GLMN: variants seen among roughly 807,000 people sequenced by gnomAD.
The protein encoded by GLMN is glomulin, FKBP associated protein.
A neutral mutation model predicts 87.8 loss-of-function variants in GLMN; 75 were observed. The ratio of observed to expected loss-of-function variants is 0.85; its 90% CI spans 0.71 to 1.04. The LOEUF (loss-of-function observed/expected upper bound fraction) is 1.04, where lower values mean the gene tolerates loss of function less well. Ranked by LOEUF, GLMN falls within the 50% of genes least tolerant of loss-of-function variation. The probability of loss-of-function intolerance (pLI) is 0.00; values close to 1 mark genes in which losing one functional copy is unlikely to be tolerated. For synonymous variants in GLMN, 206 were observed against 221.6 expected, an observed-to-expected ratio of 0.93 and a Z score of 0.63; for missense variants, 588 against 658.8, an observed-to-expected ratio of 0.89 and a Z score of 1.18.
At chr1:92,319,100 G>C in the GLMN span, among the ~76,000 whole-genome samples, 1 of 152,164 alleles carries the variant, frequency 6.6e-6, no homozygotes, top group Non-Finnish European at 1.5e-5. Flanking sequence ...GGAGATTCAA[G>C]GGATTAGCCT....
At chr1:92,340,680 A>C in the GLMN span, among the ~76,000 whole-genome samples, 1 of 152,196 alleles carries the variant, frequency 6.6e-6, no homozygotes, top group African/African-American at 2.4e-5. Context: ...AGGTAGCCAG[A>C]GTTAAGAGCC....
chr1:92,355,818 G>A, the GLMN span, among the ~76,000 whole-genome samples: 172 of 152,272 alleles, frequency 1.1e-3, 1 homozygote, highest in South Asian at 0.013. Flanking sequence ...TGTTCAACCG[G>A]TAAGTATAAT....
At chr1:92,260,623 AAAG>A (rs1418539552) in intron 16 of GLMN, among the ~76,000 whole-genome samples, 2 of 150,096 alleles carry the variant, frequency 1.3e-5, no homozygotes, top group Non-Finnish European at 3.0e-5. Context: ...TCAAGAAAAA[AAAG>A]AAGTGCCTGT....
chr1:92,280,235 C>G (rs556191263), intron 7 of GLMN, among the ~76,000 whole-genome samples: 1 of 152,166 alleles, frequency 6.6e-6, no homozygotes, highest in African/African-American at 2.4e-5. Context: ...CTCAAACAGG[C>G]GGGTGCCCCT....
At chr1:92,253,912 A>T (rs1653875444) in intron 16 of GLMN, among the ~76,000 whole-genome samples, 1 of 152,228 alleles carries the variant, frequency 6.6e-6, no homozygotes, top group South Asian at 2.1e-4. Flanking sequence ...TGGACAGAGA[A>T]TGAGTTTGAT....
At chr1:92,269,200 CTTT>C (rs769947623) in intron 9 of GLMN, among the ~76,000 whole-genome samples, 1 of 132,084 alleles carries the variant, frequency 7.6e-6, no homozygotes. Flanking sequence ...CCGTGCCTGG[CTTT>C]TTTTTTTTTT....
upstream of GLMN, among the ~76,000 whole-genome samples, chr1:92,302,832 C>T (rs1465763881): frequency 6.6e-6 from 1 of 151,814 alleles, no homozygotes; most frequent in African/African-American, 2.4e-5. Context: ...GATTTCCTAA[C>T]CTCGTGATCC....
chr1:92,313,800 T>C, the GLMN span, among the ~76,000 whole-genome samples: 2 of 152,254 alleles, frequency 1.3e-5, no homozygotes, highest in Non-Finnish European at 1.5e-5. Context: ...GCTATCTTAA[T>C]CAGTGCTCCT....
chr1:92,309,373 C>T, the GLMN span, among the ~76,000 whole-genome samples: 3 of 149,350 alleles, frequency 2.0e-5, no homozygotes, highest in Admixed American at 6.7e-5. Context: ...ACCTGGGAGG[C>T]GGAGGTTGCA....
Position 92,264,563 on chromosome 1 carries a change from C to G in GLMN, c.1290G>C (p.Met430Ile), listed in dbSNP as rs191264623. The G allele has an allele frequency of 6.0e-6, 9 of 1,504,310 alleles. No homozygotes were observed. In the Admixed American group the frequency reaches 1.3e-4, roughly 22 times the overall value. 93.2% of individuals were successfully genotyped at this position (1,504,310 alleles called of 1,614,324 possible). A position where few individuals can be genotyped will look rare whatever the true frequency, so the allele number is the denominator to read the frequency against. Reference protein sequence around the residue: ...IIQNIKNQIDMSLKRTRNNKW... With the variant: ...IIQNIKNQIDISLKRTRNNKW... ...TTGGCTATGTTCTTACCTTTAATGA[C>G]ATGTCAATTTGATTTTTGATATTTT... The change falls in exon 14 of 19, where the codon ATG (methionine) becomes ATC (isoleucine). Residue 430 changes from methionine to isoleucine, a missense_variant. Met to Ile is a conservative substitution (Grantham distance 10). Coordinates refer to ENST00000370360, the MANE Select transcript of GLMN (RefSeq NM_053274.3).
At chr1:92,289,194 A>G in intron 5 of GLMN, 43 bp from the exon 6 acceptor site, 2 of 1,125,458 alleles carry the variant, frequency 1.8e-6, no homozygotes, top group East Asian at 2.3e-5. Context: ...TATGCTAAAC[A>G]TGGGACAAGA....
the GLMN span, chr1:92,324,210 G>C: frequency 6.2e-7 from 1 of 1,614,124 alleles, no homozygotes; most frequent in Non-Finnish European, 8.5e-7. Flanking sequence ...AGAACAGCTT[G>C]GATGAGTCTT....
chr1:92,346,455 C>G, the GLMN span, among the ~76,000 whole-genome samples: 3 of 152,198 alleles, frequency 2.0e-5, no homozygotes, highest in Admixed American at 2.0e-4. Context: ...TGAGCCACCA[C>G]ACCCAGCCTG....
chr1:92,344,419 T>C, the GLMN span, among the ~76,000 whole-genome samples: 1 of 152,152 alleles, frequency 6.6e-6, no homozygotes, highest in Non-Finnish European at 1.5e-5. Context: ...AAGAAAATGC[T>C]ATACGATGTT....
the GLMN span, among the ~76,000 whole-genome samples, chr1:92,333,866 G>A: frequency 6.6e-6 from 1 of 152,192 alleles, no homozygotes; most frequent in African/African-American, 2.4e-5. Context: ...GGTCTGTTAA[G>A]TCACTCTGCA....
the GLMN span, chr1:92,320,717 T>C: frequency 9.3e-7 from 1 of 1,070,296 alleles, no homozygotes; most frequent in Non-Finnish European, 1.4e-6. Context: ...TATGAGCTCT[T>C]GGACTTCCTG....
chr1:92,315,693 G>A, the GLMN span, among the ~76,000 whole-genome samples: 1 of 152,166 alleles, frequency 6.6e-6, no homozygotes, highest in Non-Finnish European at 1.5e-5. Context: ...TTAAGATTTA[G>A]ACAAATTCAT....
chr1:92,283,156 C>T (rs984684949), intron 7 of GLMN, among the ~76,000 whole-genome samples: 3 of 152,170 alleles, frequency 2.0e-5, no homozygotes, highest in Non-Finnish European at 2.9e-5. Flanking sequence ...ATACCAAAGC[C>T]TGGCAGAGAC....
At chr1:92,345,437 AAGGG>A in the GLMN span, among the ~76,000 whole-genome samples, 1 of 133,286 alleles carries the variant, frequency 7.5e-6, no homozygotes, top group East Asian at 2.6e-4. Context: ...GGAAGGAAGG[AAGGG>A]AGGGAGGGAG....
Sources: allele counts gnomAD v4.1 joint callset (sites outside exome capture counted in the v4.1 genomes callset), GRCh38; gene constraint gnomAD v4.1.1; transcripts MANE v1.5; gene names NCBI Gene and HGNC (gene_info 2026-07-23, HGNC 2026-07-21).